Variants in USP37 observed in about 807,000 individuals in gnomAD.
USP37 encodes the protein ubiquitin carboxyl-terminal hydrolase 37.
A neutral mutation model predicts 124.0 loss-of-function variants in USP37; 27 were observed. The ratio of observed to expected loss-of-function variants is 0.22; its 90% confidence interval spans 0.16 to 0.30. The LOEUF (loss-of-function observed/expected upper bound fraction) is 0.30. USP37 is among the 10% of genes least tolerant of loss of function. The pLI, the probability that USP37 is intolerant of heterozygous loss-of-function variation, is 1.00. For missense variants in USP37, 889 were observed against 1,140.4 expected (o/e 0.78, Z 3.17); for synonymous variants, 365 against 388.0 (o/e 0.94, Z 0.70).
intron 21 of USP37, 100 bp downstream of exon 21, chr2:218,465,910 A>C (rs747021780): frequency 1.1e-5 from 15 of 1,392,172 alleles, no homozygotes; most frequent in Non-Finnish European, 1.5e-5. Context: ...CATCTGGAAC[A>C]ATGTCTGACA....
chr2:218,509,893 G>T, intron 11 of USP37, 86 bp downstream of exon 11: 1 of 1,250,198 alleles, frequency 8.0e-7, no homozygotes, highest in South Asian at 2.5e-5. Flanking sequence ...ACTTTAATGT[G>T]ACTCCTTTAA....
chr2:218,550,607 T>C (rs755318088), intron 5 of USP37, among the ~76,000 whole-genome samples: 8 of 149,576 alleles, frequency 5.3e-5, no homozygotes, highest in Non-Finnish European at 1.0e-4. Context: ...ACTGACATTA[T>C]TACAGTCCTC....
At chr2:218,562,590 C>G (rs1693365458) in intron 2 of USP37, 83 bp downstream of exon 2, 1 of 395,722 alleles carries the variant, frequency 2.5e-6, no homozygotes, top group South Asian at 1.4e-4. Flanking sequence ...AAAACTATTA[C>G]TACAAAACAA....
intron 21 of USP37, among the ~76,000 whole-genome samples, chr2:218,463,990 G>GGACT (rs1046708672): frequency 2.7e-5 from 4 of 149,866 alleles, no homozygotes; most frequent in African/African-American, 9.9e-5. Context: ...CGGGTGGCTG[G>GGACT]GACTACAGGT....
chr2:218,557,930 CAAAAAAAA>C (rs61488353), intron 4 of USP37, among the ~76,000 whole-genome samples: 1 of 35,668 alleles, frequency 2.8e-5, no homozygotes, highest in African/African-American at 8.3e-5. Flanking sequence ...GACTCTGTCT[CAAAAAAAA>C]AAAAAAAAAA....
At chr2:218,565,494 T>A (rs1170344485) in intron 1 of USP37, among the ~76,000 whole-genome samples, 1 of 152,244 alleles carries the variant, frequency 6.6e-6, no homozygotes, top group Non-Finnish European at 1.5e-5. Flanking sequence ...AATGGTTTTA[T>A]GATATAAAAA....
rs781150514 is a variant in USP37 at position 218,476,902 on chromosome 2, C to T, written c.1981G>A (p.Ala661Thr). Residue 661 changes from alanine (A) to threonine (T), a missense_variant, in exon 19 of 26, where the codon GCC becomes ACC. Physicochemically the swap from Ala to Thr is moderately conservative, Grantham distance 58 (BLOSUM62 0). Around this residue, in one of 3 missense-constraint regions of USP37, gnomAD observed 504 missense variants for 714.3 expected, o/e 0.71. Transcript: ENST00000258399. Reference sequence around the variant, plus strand: ...ATTTCACAAAGTCTCTGGCTGAGGGCCACAGAACGTTTTAGCTCATCCTCA... The same window carrying T: ...ATTTCACAAAGTCTCTGGCTGAGGGTCACAGAACGTTTTAGCTCATCCTCA... ...DSEDELKRSV[A>T]LSQRLCEMLG... 7 of 1,610,350 alleles carry T rather than the reference C, an allele frequency of 4.3e-6. No individual in the cohort carries two copies. The highest frequency in any genetic ancestry group is 5.9e-6 in the Non-Finnish European group (7 of 1,178,438).
intron 23 of USP37, among the ~76,000 whole-genome samples, chr2:218,459,003 A>G (rs1689857017): frequency 6.6e-6 from 1 of 151,994 alleles, no homozygotes; most frequent in South Asian, 2.1e-4. Context: ...GCTGAGAGTA[A>G]TTGTGTTAGG....
chr2:218,548,769 TTTTAAA>T (rs1692513740), intron 6 of USP37, among the ~76,000 whole-genome samples: 1 of 152,228 alleles, frequency 6.6e-6, no homozygotes. Flanking sequence ...CTATTCTACT[TTTTAAA>T]TTTAATGTTA....
intron 20 of USP37, among the ~76,000 whole-genome samples, chr2:218,468,286 C>A (rs1335342630): frequency 2.6e-5 from 4 of 151,764 alleles, no homozygotes; most frequent in African/African-American, 9.7e-5. Context: ...CTCATTGCAA[C>A]CTCCACCTCC....
At chr2:218,465,601 A>G (rs920045029) in intron 21 of USP37, among the ~76,000 whole-genome samples, 1 of 152,182 alleles carries the variant, frequency 6.6e-6, no homozygotes, top group Non-Finnish European at 1.5e-5. Context: ...TTTCAAACCC[A>G]GGCTGGAGTG....
intron 8 of USP37, among the ~76,000 whole-genome samples, chr2:218,545,859 G>C (rs1692290506): frequency 6.6e-6 from 1 of 151,652 alleles, no homozygotes; most frequent in African/African-American, 2.4e-5. Context: ...TGAGTAAAAT[G>C]AAAAAGTAAA....
chr2:218,494,655 T>C (rs925507835), intron 14 of USP37, among the ~76,000 whole-genome samples: 6 of 152,202 alleles, frequency 3.9e-5, no homozygotes, highest in East Asian at 1.9e-4. Flanking sequence ...GTGAAAGTCA[T>C]AGAAATAATT....
At chr2:218,544,428 T>TAGAGAGAGAGAGAGAGAG (rs1241793062) in intron 8 of USP37, among the ~76,000 whole-genome samples, 3 of 50,062 alleles carry the variant, frequency 6.0e-5, no homozygotes, top group East Asian at 7.2e-4. Flanking sequence ...TATATATATA[T>TAGAGAGAGAGAGAGAGAG]ATAGAGAGAG....
intron 22 of USP37, among the ~76,000 whole-genome samples, chr2:218,463,032 G>A (rs914245767): frequency 6.6e-6 from 1 of 151,934 alleles, no homozygotes; most frequent in Non-Finnish European, 1.5e-5. Context: ...GCTGGGTGTG[G>A]TGGCACAACC....
At chr2:218,478,367 A>T (rs1293123513) in intron 18 of USP37, among the ~76,000 whole-genome samples, 1 of 152,174 alleles carries the variant, frequency 6.6e-6, no homozygotes. Flanking sequence ...TGAACATATT[A>T]ATTTGTTTAC....
At chr2:218,484,832 C>A (rs16859014) in intron 16 of USP37, among the ~76,000 whole-genome samples, 7,220 of 152,220 alleles carry the variant, frequency 0.047, 494 homozygotes, top group African/African-American at 0.16. Context: ...ATGTTAATAA[C>A]AACCTTGGTG....
intron 14 of USP37, among the ~76,000 whole-genome samples, chr2:218,495,059 GATTAAA>G: frequency 6.6e-6 from 1 of 152,016 alleles, no homozygotes; most frequent in Admixed American, 6.6e-5. Context: ...TAAAACTATA[GATTAAA>G]ATTAAGTGTT....
intron 6 of USP37, among the ~76,000 whole-genome samples, chr2:218,547,547 G>A (rs1045530480): frequency 7.3e-6 from 1 of 137,482 alleles, no homozygotes; most frequent in Non-Finnish European, 1.5e-5. Flanking sequence ...CAGCACACCT[G>A]TTGAGGGGGC....
Sources: allele counts gnomAD v4.1 joint callset (sites outside exome capture counted in the v4.1 genomes callset), GRCh38; gene constraint gnomAD v4.1.1; regional missense constraint gnomAD v4.1.1; transcripts MANE v1.5; gene names NCBI Gene and HGNC (gene_info 2026-07-23, HGNC 2026-07-21).